Variants in DGKI observed in about 807,000 individuals in gnomAD.
The protein encoded by DGKI is DAG kinase iota.
A neutral mutation model predicts 147.5 loss-of-function variants in DGKI; 55 were observed. That is an observed-to-expected ratio of 0.37 (90% CI 0.30 to 0.47). The LOEUF is 0.47. Among genes scored for constraint, DGKI ranks in the 20% least tolerant of loss-of-function variants. DGKI has a pLI of 1.00. For synonymous variants in DGKI, 469 were observed against 477.1 expected (o/e 0.98, Z 0.22); for missense variants, 1,007 against 1,323.8 (o/e 0.76, Z 3.71).
At chr7:137,747,862 G>A (rs554095081) in intron 1 of DGKI, among the ~76,000 whole-genome samples, 21 of 152,306 alleles carry the variant, frequency 1.4e-4, no homozygotes, top group African/African-American at 5.1e-4. Flanking sequence ...CTTTGTGTGA[G>A]CAAGAAACAT....
rs1284018759 is a variant in DGKI, at chr7:137,383,857, CT to C, written c.*7362del. 2 of 152,136 alleles carry C rather than the reference CT, an allele frequency of 1.3e-5. No homozygotes were observed. The allele number at this position is 152,136 out of a possible 1,614,324, so 9.4% of individuals were successfully genotyped here. A position where few individuals can be genotyped will look rare whatever the true frequency, so the allele number is the denominator to read the frequency against. On this transcript the variant is annotated 3_prime_UTR_variant, in exon 33 of 33. Transcript: ENST00000614521. ...CTTATTCCTAATCCAATTTTGTCTT[CT>C]TTCCAGATCAAACATCCTCCTTCTA...
rs1796170806 is a variant in DGKI at position 137,770,821 on chromosome 7, C to T, written c.401+75641G>A. Among the ~76,000 whole-genome samples the T allele has an allele frequency of 1.3e-5, 2 of 150,672 alleles. 1 individual carries two copies. Among genetic ancestry groups the T allele is most frequent in the African/African-American group, 5.0e-5 (2 of 40,366 alleles). On this transcript the variant is annotated intron_variant, in intron 1 of 32. Coordinates refer to ENST00000614521, the MANE Select transcript of DGKI (RefSeq NM_001321708.2). ...GTGCTGGGATTACAGGCGTGAGCCA[C>T]CGCGCCCGGCCCTCAGTGGGTTTTA...
At chr7:137,444,581 C>T (rs1273727911) in intron 27 of DGKI, among the ~76,000 whole-genome samples, 1 of 152,162 alleles carries the variant, frequency 6.6e-6, no homozygotes, top group African/African-American at 2.4e-5. Flanking sequence ...TTTCACTCTT[C>T]ATGGAATTTA....
chr7:137,769,857 G>A (rs1448586238), intron 1 of DGKI, among the ~76,000 whole-genome samples: 5 of 152,172 alleles, frequency 3.3e-5, no homozygotes, highest in East Asian at 3.8e-4. Flanking sequence ...AAATGGGAAC[G>A]CTTTTACACT....
chr7:137,463,385 C>T (rs866513679), intron 27 of DGKI, 104 bp downstream of exon 27: 49 of 1,482,932 alleles, frequency 3.3e-5, no homozygotes, highest in South Asian at 2.4e-4. Context: ...ACAGCCTGAG[C>T]GCCATTGAAA....
intron 19 of DGKI, among the ~76,000 whole-genome samples, chr7:137,570,595 T>A (rs1229250795): frequency 9.1e-6 from 1 of 109,394 alleles, no homozygotes; most frequent in Non-Finnish European, 1.7e-5. Context: ...ATAGTGTAAT[T>A]TTTTTTTTTT....
intron 1 of DGKI, among the ~76,000 whole-genome samples, chr7:137,797,014 T>C (rs1797054978): frequency 6.6e-6 from 1 of 152,194 alleles, no homozygotes; most frequent in Non-Finnish European, 1.5e-5. Context: ...ACATTTAATA[T>C]AGTTAAACTG....
intron 1 of DGKI, among the ~76,000 whole-genome samples, chr7:137,723,380 C>T (rs1794623156): frequency 6.6e-6 from 1 of 152,244 alleles, no homozygotes; most frequent in Non-Finnish European, 1.5e-5. Flanking sequence ...GGCAGACTCA[C>T]TGTTGTTTCC....
At chr7:137,469,077 C>A (rs772676049) in intron 24 of DGKI, among the ~76,000 whole-genome samples, 2 of 152,090 alleles carry the variant, frequency 1.3e-5, no homozygotes, top group East Asian at 1.9e-4. Context: ...ATATATCATG[C>A]GGATCTGAGC....
At chr7:137,476,066 C>T (rs1002570737) in intron 23 of DGKI, among the ~76,000 whole-genome samples, 86 of 152,268 alleles carry the variant, frequency 5.6e-4, no homozygotes, top group African/African-American at 1.4e-3. Flanking sequence ...CTGGTGCTGA[C>T]GTACGGCCAA....
At chr7:137,597,660 G>C (rs901929157) in intron 12 of DGKI, among the ~76,000 whole-genome samples, 187 bp downstream of exon 12, 3 of 152,118 alleles carry the variant, frequency 2.0e-5, no homozygotes, top group African/African-American at 7.2e-5. Flanking sequence ...ACATTAGAAG[G>C]ATCAAGTATG....
intron 27 of DGKI, among the ~76,000 whole-genome samples, chr7:137,446,295 A>C (rs1477770647): frequency 6.6e-6 from 1 of 152,212 alleles, no homozygotes; most frequent in Non-Finnish European, 1.5e-5. Flanking sequence ...TCAATTTCAG[A>C]GTGTTTTGTG....
chr7:137,700,126 A>G (rs1823926342), intron 1 of DGKI, among the ~76,000 whole-genome samples: 1 of 152,210 alleles, frequency 6.6e-6, no homozygotes, highest in African/African-American at 2.4e-5. Flanking sequence ...AAGACCCCAG[A>G]GCACACCTAT....
chr7:137,841,924 T>C (rs1398357126), intron 1 of DGKI, among the ~76,000 whole-genome samples: 1 of 152,132 alleles, frequency 6.6e-6, no homozygotes, highest in African/African-American at 2.4e-5. Context: ...CAGGACCCAA[T>C]AGTGTCAATC....
chr7:137,518,172 G>C (rs907537048), intron 21 of DGKI, among the ~76,000 whole-genome samples: 1 of 152,062 alleles, frequency 6.6e-6, no homozygotes. Context: ...TTTTTGGAGA[G>C]CACACTAATG....
intron 1 of DGKI, among the ~76,000 whole-genome samples, chr7:137,732,152 C>T (rs1205690508): frequency 2.0e-5 from 3 of 151,992 alleles, no homozygotes; most frequent in Non-Finnish European, 4.4e-5. Context: ...AAATAGTGAT[C>T]TAGTTTCACA....
chr7:137,483,766 G>C (rs765714767), intron 23 of DGKI, among the ~76,000 whole-genome samples: 18 of 152,096 alleles, frequency 1.2e-4, no homozygotes, highest in Admixed American at 2.0e-4. Context: ...TCAGTGCAAA[G>C]AACGTGATCT....
intron 11 of DGKI, among the ~76,000 whole-genome samples, chr7:137,599,188 T>C (rs1007597939): frequency 3.3e-5 from 5 of 152,282 alleles, no homozygotes; most frequent in Non-Finnish European, 5.9e-5. Context: ...TTTTCCACTG[T>C]GTGCCTCTCC....
intron 11 of DGKI, among the ~76,000 whole-genome samples, chr7:137,599,444 C>T (rs1483894218): frequency 6.6e-6 from 1 of 152,130 alleles, no homozygotes; most frequent in Non-Finnish European, 1.5e-5. Context: ...CATAAACAAA[C>T]ATGGCTCCAC....
Sources: allele counts gnomAD v4.1 joint callset (sites outside exome capture counted in the v4.1 genomes callset), GRCh38; gene constraint gnomAD v4.1.1; transcripts MANE v1.5; gene names NCBI Gene and HGNC (gene_info 2026-07-23, HGNC 2026-07-21).